The following MYO16 variants were observed in gnomAD, a reference collection of about 807,000 sequenced individuals.
MYO16 encodes myosin XVI.
In MYO16, 94 loss-of-function variants were observed where a neutral mutation model predicts 205.3. The ratio of observed to expected loss-of-function variants is 0.46; its 90% CI spans 0.39 to 0.54. The LOEUF (loss-of-function observed/expected upper bound fraction) is 0.54. Among genes scored for constraint, MYO16 ranks in the 20% least tolerant of loss-of-function variants. The pLI is 0.00. For missense variants in MYO16, 2,315 were observed against 2,387.5 expected, an observed-to-expected ratio of 0.97 and a Z score of 0.63; for synonymous variants, 988 against 954.0, an observed-to-expected ratio of 1.04 and a Z score of -0.66.
chr13:108,838,661 G>T (rs1377544035), intron 9 of MYO16, among the ~76,000 whole-genome samples: 3 of 47,362 alleles, frequency 6.3e-5, no homozygotes, highest in Non-Finnish European at 1.5e-4. Context: ...GAGTGAGACT[G>T]TCTCAAAAAA....
intron 2 of MYO16, among the ~76,000 whole-genome samples, chr13:108,669,700 A>G (rs1278328772): frequency 6.6e-6 from 1 of 152,066 alleles, no homozygotes; most frequent in Non-Finnish European, 1.5e-5. Context: ...TAGATTCTGG[A>G]TATTAAATGT....
chr13:108,574,258 C>T, the MYO16 span, among the ~76,000 whole-genome samples: 1 of 152,140 alleles, frequency 6.6e-6, no homozygotes, highest in African/African-American at 2.4e-5. Flanking sequence ...TGGCATCCAG[C>T]TTTCTGTAGT....
At chr13:109,005,596 C>A (rs1305357805) in intron 21 of MYO16, among the ~76,000 whole-genome samples, 3 of 152,044 alleles carry the variant, frequency 2.0e-5, no homozygotes, top group Non-Finnish European at 4.4e-5. Flanking sequence ...GTTGTAAGAA[C>A]CTCTGCACTT....
rs1480793165 is a variant in MYO16, at chr13:109,162,939, A to G, written c.5165-1962A>G. Among the ~76,000 whole-genome samples the G allele has an allele frequency of 6.6e-6, 1 of 152,210 alleles. No individual in the cohort carries two copies. The highest frequency in any genetic ancestry group is 6.5e-5 in the Admixed American group (1 of 15,282). On this transcript the variant is annotated intron_variant, in intron 32 of 34. Coordinates refer to ENST00000457511, the MANE Select transcript of MYO16 (RefSeq NM_001198950.3). The surrounding 1 kb of genome is among the most constrained non-coding windows in gnomAD (Gnocchi z 4.6). ...CAATAATTGCTCATTGTCAAGAGCTAAAACAGTTAAGATCACCTGACTTTC... is the reference window on the plus strand; with the variant it reads ...CAATAATTGCTCATTGTCAAGAGCTGAAACAGTTAAGATCACCTGACTTTC...
At chr13:108,809,807 T>G (rs1178168825) in intron 7 of MYO16, among the ~76,000 whole-genome samples, 1 of 152,192 alleles carries the variant, frequency 6.6e-6, no homozygotes, top group Non-Finnish European at 1.5e-5. Context: ...CTCACTGGAA[T>G]AGAAAGGGCC....
chr13:108,688,658 G>C (rs1165487823), intron 2 of MYO16, among the ~76,000 whole-genome samples: 1 of 152,106 alleles, frequency 6.6e-6, no homozygotes, highest in African/African-American at 2.4e-5. Context: ...AATTTAGGCA[G>C]AAAACAGACT....
chr13:108,867,370 T>A (rs139870884), intron 12 of MYO16, among the ~76,000 whole-genome samples: 1 of 151,916 alleles, frequency 6.6e-6, no homozygotes, highest in African/African-American at 2.4e-5. Flanking sequence ...CGTCTCTAAA[T>A]AGAATAAAGT....
At chr13:109,149,509 T>C (rs1877533220) in intron 32 of MYO16, among the ~76,000 whole-genome samples, 1 of 152,256 alleles carries the variant, frequency 6.6e-6, no homozygotes, top group Non-Finnish European at 1.5e-5. Flanking sequence ...GGATTCTTTC[T>C]ATTATGCCCT....
intron 11 of MYO16, among the ~76,000 whole-genome samples, chr13:108,856,665 C>A (rs1490202042): frequency 6.6e-6 from 1 of 151,932 alleles, no homozygotes; most frequent in Non-Finnish European, 1.5e-5. Context: ...TTATAGAAGC[C>A]TGGAAGACCA....
At chr13:108,701,370 G>C (rs1433865553) in intron 2 of MYO16, among the ~76,000 whole-genome samples, 1 of 152,034 alleles carries the variant, frequency 6.6e-6, no homozygotes, top group African/African-American at 2.4e-5. Context: ...CCTCATGAGT[G>C]GTTTAATGCT....
chr13:109,158,198 G>T (rs1878173929), intron 32 of MYO16, among the ~76,000 whole-genome samples: 1 of 152,132 alleles, frequency 6.6e-6, no homozygotes, highest in Non-Finnish European at 1.5e-5. Context: ...CGTTCTGCCA[G>T]GTTTCTTGTC....
Position 109,207,132 on chromosome 13 carries a change from T to C in MYO16, c.*296T>C, listed in dbSNP as rs989199516. The C allele has an allele frequency of 2.7e-6, 1 of 373,512 alleles. No individual in the cohort carries two copies. The highest frequency in any genetic ancestry group is 2.0e-5 in the African/African-American group (1 of 49,258). The allele number at this position is 373,512 out of a possible 1,614,324, so 23.1% of individuals were successfully genotyped here. Reference sequence around the variant, plus strand: ...AGAGAGGCTGGGAAAAGTGTGGACGTGGCCAGAGCGAGAGAGTAGCGGAGG... The same window carrying C: ...AGAGAGGCTGGGAAAAGTGTGGACGCGGCCAGAGCGAGAGAGTAGCGGAGG... On this transcript the variant is annotated 3_prime_UTR_variant, in exon 35 of 35. Transcript: ENST00000457511.
At chr13:109,017,056 G>A (rs140418519) in intron 22 of MYO16, among the ~76,000 whole-genome samples, 10,994 of 152,168 alleles carry the variant, frequency 0.072, 451 homozygotes, top group Non-Finnish European at 0.094. Flanking sequence ...TTTCTTCCTA[G>A]CATTGATGGT....
intron 10 of MYO16, among the ~76,000 whole-genome samples, chr13:108,849,617 T>TGTGTGTG (rs1566368062): frequency 1.8e-4 from 13 of 71,504 alleles, no homozygotes; most frequent in African/African-American, 5.6e-4. Context: ...GAATTTCCTC[T>TGTGTGTG]TTTGTGTGTG....
intron 4 of MYO16, among the ~76,000 whole-genome samples, chr13:108,772,740 A>G (rs12866626): frequency 0.08 from 12,202 of 152,296 alleles, 622 homozygotes; most frequent in Non-Finnish European, 0.12. Flanking sequence ...TATAAAATAC[A>G]TACTAAAATA....
At chr13:108,739,126 T>C (rs1884811489) in intron 4 of MYO16, among the ~76,000 whole-genome samples, 1 of 152,174 alleles carries the variant, frequency 6.6e-6, no homozygotes, top group Non-Finnish European at 1.5e-5. Flanking sequence ...GAGCATTTAG[T>C]CCATTTACAT....
At chr13:108,897,695 G>A (rs1880494895) in intron 14 of MYO16, among the ~76,000 whole-genome samples, 1 of 152,204 alleles carries the variant, frequency 6.6e-6, no homozygotes, top group East Asian at 1.9e-4. Flanking sequence ...TTCTATTCAG[G>A]TTTGAAATCT....
At chr13:108,638,095 A>C (rs915685778) in intron 1 of MYO16, among the ~76,000 whole-genome samples, 6 of 152,116 alleles carry the variant, frequency 3.9e-5, no homozygotes, top group Admixed American at 3.9e-4. Flanking sequence ...AATTTTAAAT[A>C]GGTTGTTAAG....
At chr13:109,094,924 A>G (rs148011763) in intron 27 of MYO16, among the ~76,000 whole-genome samples, 38 of 140,798 alleles carry the variant, frequency 2.7e-4, no homozygotes. Flanking sequence ...GTTGGTTCCA[A>G]GATTGCTTTT....
Sources: allele counts gnomAD v4.1 joint callset (sites outside exome capture counted in the v4.1 genomes callset), GRCh38; gene constraint gnomAD v4.1.1; non-coding constraint Gnocchi (gnomAD v3.1); transcripts MANE v1.5; gene names NCBI Gene and HGNC (gene_info 2026-07-23, HGNC 2026-07-21).